RIPK2: variants seen among roughly 807,000 people sequenced by gnomAD.
RIPK2 encodes receptor-interacting serine/threonine-protein kinase 2.
Under a neutral mutation model 60.9 loss-of-function variants are expected in RIPK2, and 38 were observed. That is an observed-to-expected ratio of 0.62 (90% CI 0.48 to 0.82). The LOEUF is 0.82. Ranked by LOEUF, RIPK2 falls within the 40% of genes least tolerant of loss-of-function variation. The pLI is 0.00. For synonymous variants in RIPK2, 225 were observed against 223.4 expected (o/e 1.01, Z -0.06); for missense variants, 518 against 647.0 (o/e 0.80, Z 2.16).
At chr8:89,776,826 G>A (rs927605247) in intron 6 of RIPK2, among the ~76,000 whole-genome samples, 1 of 152,176 alleles carries the variant, frequency 6.6e-6, no homozygotes, top group African/African-American at 2.4e-5. Context: ...AGTAACTGGG[G>A]CCAATTTACC....
Position 89,772,735 on chromosome 8 carries a change from A to T in RIPK2, c.760A>T (p.Ser254Cys). The T allele has an allele frequency of 6.2e-7, 1 of 1,612,010 alleles. No individual in the cohort carries two copies. The highest frequency in any genetic ancestry group is 8.5e-7 in the Non-Finnish European group (1 of 1,178,510). ...QGHRPVINEESLPYDIPHRAR... is the reference protein window; with the variant it reads ...QGHRPVINEECLPYDIPHRAR... ...ACATCGACCTGTTATTAATGAAGAAAGTTTGCCATATGATATACCTCACCG... is the reference window on the plus strand; with the variant it reads ...ACATCGACCTGTTATTAATGAAGAATGTTTGCCATATGATATACCTCACCG... Residue 254 changes from serine to cysteine, a missense_variant, in exon 6 of 11, where the codon AGT becomes TGT. Transcript: ENST00000220751.
At position 89,786,574 on chromosome 8, in the gene RIPK2, T is replaced by G; in HGVS notation, c.1030-19T>G. ...ATAATTTTTATTAACCTAAACCCTT[T>G]ATTTTTTATTTACTTTAGGAATCAT... On this transcript the variant is annotated intron_variant, in intron 8 of 10. Transcript: ENST00000220751. 7.4e-7 allele frequency: 1 copy of G among 1,353,908 alleles called. No individual in the cohort carries two copies. 83.9% of individuals were successfully genotyped at this position (1,353,908 alleles called of 1,614,324 possible). A position where few individuals can be genotyped will look rare whatever the true frequency, so the allele number is the denominator to read the frequency against.
rs1809331006 is a variant in RIPK2 at position 89,772,531 on chromosome 8, C to G, written c.692-136C>G. 26 of 617,482 alleles carry G rather than the reference C, an allele frequency of 4.2e-5. No individual in the cohort carries two copies. The South Asian group carries it at 5.6e-4, about 13-fold the overall frequency. The allele number at this position is 617,482 out of a possible 1,614,324, so 38.3% of individuals were successfully genotyped here. A position where few individuals can be genotyped will look rare whatever the true frequency, so the allele number is the denominator to read the frequency against. On this transcript the variant is annotated intron_variant, in intron 5 of 10. Coordinates refer to ENST00000220751, the MANE Select transcript of RIPK2 (RefSeq NM_003821.6). ...GCAATGGTTTGGGGTATATATATTC[C>G]TTTTACAGAAAGGGGGGTAAGGCAT...
chr8:89,774,886 G>A (rs1452142412), intron 6 of RIPK2, among the ~76,000 whole-genome samples: 2 of 152,126 alleles, frequency 1.3e-5, no homozygotes, highest in East Asian at 3.9e-4. Context: ...TTGTGTCTTG[G>A]AAGTCAAGGA....
chr8:89,767,995 A>G (rs1809255601), intron 3 of RIPK2, among the ~76,000 whole-genome samples: 1 of 151,712 alleles, frequency 6.6e-6, no homozygotes, highest in African/African-American at 2.4e-5. Flanking sequence ...GTCAGAACTG[A>G]ACACAATACT....
rs16900627 is a variant in RIPK2 at position 89,790,767 on chromosome 8, A to G, written c.*351A>G. 0.15 allele frequency: 28,762 copies of G among 193,952 alleles called. 3,805 individuals are homozygous for G. The highest frequency in any genetic ancestry group is 0.39 in the African/African-American group (16,336 of 42,064). The allele number at this position is 193,952 out of a possible 1,614,324, so 12.0% of individuals were successfully genotyped here. A position where few individuals can be genotyped will look rare whatever the true frequency, so the allele number is the denominator to read the frequency against. Reference sequence around the variant, plus strand: ...TTATTTGTTACTTGTCTAAGATGCAATTTGATTTTATGAAGTATATACCCT... The same window carrying G: ...TTATTTGTTACTTGTCTAAGATGCAGTTTGATTTTATGAAGTATATACCCT... On this transcript the variant is annotated 3_prime_UTR_variant, in exon 11 of 11. Coordinates refer to ENST00000220751, the MANE Select transcript of RIPK2 (RefSeq NM_003821.6).
At position 89,779,810 on chromosome 8, in the gene RIPK2, CATCATTT is replaced by C. The variant is rs201051764; in HGVS notation, c.854-262_854-256del. Among the ~76,000 whole-genome samples, 16 of 152,290 alleles carry C rather than the reference CATCATTT, an allele frequency of 1.1e-4. No homozygotes were observed. The East Asian group carries it at 2.9e-3, about 28-fold the overall frequency. On this transcript the variant is annotated intron_variant, in intron 6 of 10. Coordinates refer to ENST00000220751, the MANE Select transcript of RIPK2 (RefSeq NM_003821.6). ...CCAGGTGTATATCCAACTGTTTTAG[CATCATTT>C]ATTGAAAAGGCTATGCTATCATTTC...
intron 1 of RIPK2, among the ~76,000 whole-genome samples, chr8:89,760,786 G>A (rs1376839821): frequency 2.0e-5 from 3 of 152,168 alleles, no homozygotes; most frequent in Non-Finnish European, 4.4e-5. Flanking sequence ...ATGTAATAGG[G>A]TCACAGTGGA....
chr8:89,761,308 C>T (rs768709450), intron 1 of RIPK2, among the ~76,000 whole-genome samples: 22 of 152,094 alleles, frequency 1.4e-4, no homozygotes, highest in Non-Finnish European at 3.1e-4. Context: ...ATTTCTATTT[C>T]TGTCATTGCT....
chr8:89,785,320 T>A (rs1199030185), intron 8 of RIPK2, among the ~76,000 whole-genome samples: 1 of 151,608 alleles, frequency 6.6e-6, no homozygotes, highest in Non-Finnish European at 1.5e-5. Context: ...ACTAAACATA[T>A]AAAAATTAGC....
At chr8:89,784,290 C>G in intron 8 of RIPK2, 151 bp downstream of exon 8, 1 of 536,512 alleles carries the variant, frequency 1.9e-6, no homozygotes, top group Non-Finnish European at 3.2e-6. Flanking sequence ...ATGTCAATCT[C>G]CAACTTGAAA....
intron 2 of RIPK2, among the ~76,000 whole-genome samples, chr8:89,764,232 A>G (rs1809190180): frequency 6.6e-6 from 1 of 152,122 alleles, no homozygotes; most frequent in Non-Finnish European, 1.5e-5. Context: ...TATGCCAGAG[A>G]AAGTAATGTT....
In RIPK2 at chr8:89,762,839, G is replaced by A. The variant is rs764903626; in HGVS notation, c.184G>A (p.Asp62Asn). The A allele has an allele frequency of 3.5e-6, 5 of 1,409,230 alleles. No individual in the cohort carries two copies. The highest frequency in any genetic ancestry group is 5.0e-5 in the East Asian group (2 of 39,830). 87.3% of individuals were successfully genotyped at this position (1,409,230 alleles called of 1,614,324 possible). A position where few individuals can be genotyped will look rare whatever the true frequency, so the allele number is the denominator to read the frequency against. Residue 62 changes from aspartate (D) to asparagine (N), a missense_variant, in exon 2 of 11, where the codon GAT becomes AAT. Coordinates refer to ENST00000220751, the MANE Select transcript of RIPK2 (RefSeq NM_003821.6). The stretch of plus-strand genomic sequence containing the variant: ...ATTTTTTTTTCTTAGTGAAAGAAAG[G>A]ATGTCTTAAGAGAAGCTGAAATTTT... ...HTPLLDSERKDVLREAEILHK... is the reference protein window; with the variant it reads ...HTPLLDSERKNVLREAEILHK...
intron 1 of RIPK2, among the ~76,000 whole-genome samples, chr8:89,761,553 G>A (rs1348074981): frequency 1.3e-5 from 2 of 151,782 alleles, no homozygotes; most frequent in Non-Finnish European, 2.9e-5. Flanking sequence ...CCTACATCTT[G>A]TTGCCAAATT....
Position 89,758,026 on chromosome 8 carries a change from G to A in RIPK2, c.-35G>A, listed in dbSNP as rs1464644251. On this transcript the variant is annotated 5_prime_UTR_variant, in exon 1 of 11. Coordinates refer to ENST00000220751, the MANE Select transcript of RIPK2 (RefSeq NM_003821.6). ...GAGCCTTGGGAGCCGCCGCAGCAGG[G>A]GGCACACCCGGAACCGGCCTGAGCG... The A allele has an allele frequency of 6.5e-7, 1 of 1,530,056 alleles. No individual in the cohort carries two copies. Among genetic ancestry groups the A allele is most frequent in the South Asian group, 1.2e-5 (1 of 80,978 alleles). 94.8% of individuals were successfully genotyped at this position (1,530,056 alleles called of 1,614,324 possible).
chr8:89,774,097 A>G (rs1343654330), intron 6 of RIPK2, among the ~76,000 whole-genome samples: 1 of 152,038 alleles, frequency 6.6e-6, no homozygotes, highest in Non-Finnish European at 1.5e-5. Context: ...CCTCATTTCC[A>G]AGAAGGAAAA....
intron 1 of RIPK2, among the ~76,000 whole-genome samples, chr8:89,762,175 A>G (rs1160463418): frequency 6.6e-6 from 1 of 152,102 alleles, no homozygotes; most frequent in Non-Finnish European, 1.5e-5. Flanking sequence ...GTGACAAAGA[A>G]AAATAGAAAA....
At chr8:89,783,496 G>A (rs1315653014) in intron 7 of RIPK2, among the ~76,000 whole-genome samples, 1 of 152,030 alleles carries the variant, frequency 6.6e-6, no homozygotes, top group South Asian at 2.1e-4. Context: ...AATGTCTCAC[G>A]TCAAACAGAT....
At chr8:89,786,710 T>C in intron 9 of RIPK2, 24 bp downstream of exon 9, 1 of 1,306,046 alleles carries the variant, frequency 7.7e-7, no homozygotes, top group South Asian at 1.3e-5. Context: ...CCAATCATTA[T>C]TTACTTGCAA....
Sources: gnomAD v4.1 joint callset for allele counts (sites outside exome capture counted in the v4.1 genomes callset) on GRCh38, gnomAD v4.1.1 for gene constraint, MANE v1.5 for transcripts, NCBI Gene and HGNC (gene_info 2026-07-23, HGNC 2026-07-21) for gene names.